The following HAUS1 variants were observed in gnomAD, a reference collection of about 807,000 sequenced individuals.
HAUS1 encodes the protein HAUS augmin-like complex subunit 1.
Under a neutral mutation model 38.6 loss-of-function variants are expected in HAUS1, and 25 were observed. That is an observed-to-expected ratio of 0.65 (90% CI 0.47 to 0.91). The LOEUF (loss-of-function observed/expected upper bound fraction) is 0.91, where lower values mean the gene tolerates loss of function less well. Among genes scored for constraint, HAUS1 ranks in the 40% least tolerant of loss-of-function variants. The probability of loss-of-function intolerance (pLI) is 0.00; values close to 1 mark genes in which losing one functional copy is unlikely to be tolerated. For missense variants in HAUS1, 325 were observed against 328.4 expected, an observed-to-expected ratio of 0.99 and a Z score of 0.08; for synonymous variants, 109 against 112.9, an observed-to-expected ratio of 0.97 and a Z score of 0.22.
chr18:46,121,303 C>A (rs536790570), intron 4 of HAUS1, among the ~76,000 whole-genome samples: 88 of 152,176 alleles, frequency 5.8e-4, no homozygotes, highest in African/African-American at 1.9e-3. Flanking sequence ...GATTCTCCTG[C>A]CTCAGCCTTT....
rs1442382974 is a variant in HAUS1, at chr18:46,118,318, T to A, written c.341+2T>A. The A allele has an allele frequency of 6.2e-7, 1 of 1,613,390 alleles. No homozygotes were observed. Among genetic ancestry groups the A allele is most frequent in the Admixed American group, 1.7e-5 (1 of 59,980 alleles). On this transcript the variant is annotated splice_donor_variant, in intron 3 of 8. Transcript: ENST00000282058. LOFTEE classifies it high-confidence loss of function. ...AACAAAGGATACCTCGCTAGCTAGG[T>A]AATTCTTATGACAGTTTTAATTTCC...
At chr18:46,111,885 C>CTTT (rs370593835) in intron 2 of HAUS1, among the ~76,000 whole-genome samples, 11 of 134,418 alleles carry the variant, frequency 8.2e-5, no homozygotes, top group Non-Finnish European at 8.0e-5. Context: ...CTTTTCTTTT[C>CTTT]TTTTTTTTTT....
rs12968820 is a variant in HAUS1, at chr18:46,122,305, T to C, written c.477-162T>C. 3.7e-4 allele frequency among the ~76,000 whole-genome samples: 52 copies of C among 140,364 alleles called. 1 individual carries two copies. The highest frequency in any genetic ancestry group is 6.5e-4 in the African/African-American group (25 of 38,624). The allele number at this position is 140,364 out of a possible 152,430, so 92.1% of individuals were successfully genotyped here. On this transcript the variant is annotated intron_variant, in intron 4 of 8. Transcript: ENST00000282058. ...GGTGACAGACCAAGACCTCATCTCT[T>C]AAAAAAAAAAAAAACCCAGAGTGCA...
At chr18:46,111,085 C>A (rs1002722253) in intron 2 of HAUS1, among the ~76,000 whole-genome samples, 2 of 151,894 alleles carry the variant, frequency 1.3e-5, no homozygotes, top group Admixed American at 1.3e-4. Context: ...TCCGTGTTAG[C>A]CAGAATGGTC....
At chr18:46,122,429 G>T (rs761500547) in intron 4 of HAUS1, 38 bp from the exon 5 acceptor site, 1 of 1,599,458 alleles carries the variant, frequency 6.3e-7, no homozygotes, top group South Asian at 1.1e-5. Flanking sequence ...TTACTGAGAA[G>T]AAGAAGAAGA....
chr18:46,120,384 G>A (rs1477903317), intron 4 of HAUS1, among the ~76,000 whole-genome samples: 1 of 151,090 alleles, frequency 6.6e-6, no homozygotes, highest in Non-Finnish European at 1.5e-5. Flanking sequence ...ACAGGCATGA[G>A]CCACCATGCC....
At chr18:46,111,829 G>C (rs1261107574) in intron 2 of HAUS1, among the ~76,000 whole-genome samples, 1 of 149,260 alleles carries the variant, frequency 6.7e-6, no homozygotes, top group Non-Finnish European at 1.5e-5. Context: ...GCGTATGTTG[G>C]TATGCTTAAT....
intron 7 of HAUS1, 34 bp from the exon 8 acceptor site, chr18:46,125,710 A>G: frequency 6.7e-7 from 1 of 1,485,034 alleles, no homozygotes; most frequent in Non-Finnish European, 9.3e-7. Context: ...AATTGAGGCA[A>G]TATAACCTTT....
intron 2 of HAUS1, among the ~76,000 whole-genome samples, chr18:46,108,240 A>T (rs1032157257): frequency 2.0e-5 from 3 of 148,852 alleles, no homozygotes; most frequent in East Asian, 3.9e-4. Context: ...ATTTTTGTAG[A>T]CACCCTTTGT....
rs951382885 is a variant in HAUS1 at position 46,104,583 on chromosome 18, C to T, written c.30+142C>T. 20 of 661,094 alleles carry T rather than the reference C, an allele frequency of 3.0e-5. No homozygotes were observed. The African/African-American group carries it at 3.4e-4, about 11-fold the overall frequency. 41.0% of individuals were successfully genotyped at this position (661,094 alleles called of 1,614,324 possible). ...CATCCGTCTTTTAGTGCCGCCGTCA[C>T]TATCTGCAAGCCCCCCGTGCTTAGA... is the stretch of plus-strand genomic sequence containing the variant. On this transcript the variant is annotated intron_variant, in intron 1 of 8. Transcript: ENST00000282058.
intron 2 of HAUS1, among the ~76,000 whole-genome samples, chr18:46,113,080 A>G (rs1165834906): frequency 1.4e-5 from 1 of 73,112 alleles, no homozygotes; most frequent in Non-Finnish European, 2.7e-5. Flanking sequence ...TATTCCATAT[A>G]TATATATATA....
At chr18:46,119,278 G>T (rs1911874815) in intron 3 of HAUS1, among the ~76,000 whole-genome samples, 2 of 152,220 alleles carry the variant, frequency 1.3e-5, no homozygotes, top group South Asian at 4.1e-4. Context: ...TAGTGTTTTA[G>T]GTATAAGAGC....
intron 1 of HAUS1, among the ~76,000 whole-genome samples, chr18:46,104,861 C>T (rs1039950671): frequency 4.6e-5 from 7 of 151,038 alleles, no homozygotes; most frequent in African/African-American, 9.9e-5. Flanking sequence ...TCAGACCATG[C>T]ACGGTCTAAT....
In HAUS1 at chr18:46,122,008, AT is replaced by A. The variant is rs1364449321; in HGVS notation, c.477-454del. Among the ~76,000 whole-genome samples the A allele has an allele frequency of 9.9e-5, 15 of 152,066 alleles. No homozygotes were observed. In the East Asian group the frequency reaches 1.7e-3, roughly 18 times the overall value. On this transcript the variant is annotated intron_variant, in intron 4 of 8. Coordinates refer to ENST00000282058, the MANE Select transcript of HAUS1 (RefSeq NM_138443.4). Reference sequence around the variant, plus strand: ...GGGCGCATGCCACCATGCCTGGCTAATTTTTGTATTTTTAGTAAAGACAGGG... The same window carrying A: ...GGGCGCATGCCACCATGCCTGGCTAATTTTGTATTTTTAGTAAAGACAGGG...
intron 1 of HAUS1, 60 bp downstream of exon 1, chr18:46,104,501 C>CTGTCGGCGCGGGG: frequency 7.3e-7 from 1 of 1,372,774 alleles, no homozygotes; most frequent in Non-Finnish European, 9.6e-7. Context: ...GACACCCCCG[C>CTGTCGGCGCGGGG]GCCGACAGCG....
intron 2 of HAUS1, among the ~76,000 whole-genome samples, chr18:46,109,104 A>G (rs1259534323): frequency 2.0e-5 from 3 of 151,678 alleles, no homozygotes; most frequent in Non-Finnish European, 4.4e-5. Context: ...AAGAAGTTTA[A>G]TTGACTCACA....
At position 46,104,438 on chromosome 18, in the gene HAUS1, G is replaced by A; in HGVS notation, c.27G>A (p.Thr9=). ...TGGAGCCGCAGGAGGAGAGAGAAACGCAGGTGATGGGGCGGGAATGGGGAT... is the reference window on the plus strand; with the variant it reads ...TGGAGCCGCAGGAGGAGAGAGAAACACAGGTGATGGGGCGGGAATGGGGAT... MEPQEERE[T]QVAAWLKKIF... The change falls in exon 1 of 9, where the codon ACG becomes ACA. Residue 9 remains threonine (T), a synonymous_variant. Transcript: ENST00000282058. The A allele has an allele frequency of 6.8e-7, 1 of 1,465,740 alleles. No individual in the cohort carries two copies. The highest frequency in any genetic ancestry group is 1.4e-5 in the South Asian group (1 of 72,774). 90.8% of individuals were successfully genotyped at this position (1,465,740 alleles called of 1,614,324 possible).
chr18:46,123,547 C>T (rs1042282227), intron 6 of HAUS1, among the ~76,000 whole-genome samples, 183 bp downstream of exon 6: 1 of 152,168 alleles, frequency 6.6e-6, no homozygotes, highest in African/African-American at 2.4e-5. Context: ...TATGCCCTCA[C>T]ATTTGCATGG....
At chr18:46,111,821 G>C (rs759029920) in intron 2 of HAUS1, among the ~76,000 whole-genome samples, 1 of 149,510 alleles carries the variant, frequency 6.7e-6, no homozygotes, top group Non-Finnish European at 1.5e-5. Flanking sequence ...TCCATTATGC[G>C]TATGTTGGTA....
Sources: allele counts gnomAD v4.1 joint callset (sites outside exome capture counted in the v4.1 genomes callset), GRCh38; gene constraint gnomAD v4.1.1; transcripts MANE v1.5; gene names NCBI Gene and HGNC (gene_info 2026-07-23, HGNC 2026-07-21).